EXOC6B: variants seen among roughly 807,000 people sequenced by gnomAD.
EXOC6B encodes exocyst complex component 6B.
A neutral mutation model predicts 113.5 loss-of-function variants in EXOC6B; 54 were observed. The observed-to-expected ratio is 0.48, with a 90% CI of 0.38 to 0.60. The LOEUF (loss-of-function observed/expected upper bound fraction) is 0.60, where lower values mean the gene tolerates loss of function less well. EXOC6B is among the 20% of genes least tolerant of loss of function. The pLI, the probability that EXOC6B is intolerant of heterozygous loss-of-function variation, is 0.00. For synonymous variants in EXOC6B, 357 were observed against 339.0 expected, an observed-to-expected ratio of 1.05 and a Z score of -0.58; for missense variants, 797 against 977.5, an observed-to-expected ratio of 0.82 and a Z score of 2.46.
chr2:72,465,102 C>T, intron 18 of EXOC6B, 58 bp downstream of exon 18: 35 of 1,454,122 alleles, frequency 2.4e-5, no homozygotes, highest in Non-Finnish European at 3.2e-5. Context: ...TTTCACCAAA[C>T]TAAATTATAA....
chr2:72,419,067 T>A (rs1362018254), intron 18 of EXOC6B, among the ~76,000 whole-genome samples: 2 of 152,122 alleles, frequency 1.3e-5, no homozygotes, highest in African/African-American at 4.8e-5. Flanking sequence ...CCAGCTTAAC[T>A]TAAGAAATAA....
At chr2:72,470,317 A>G (rs1476119688) in intron 17 of EXOC6B, among the ~76,000 whole-genome samples, 2 of 152,024 alleles carry the variant, frequency 1.3e-5, no homozygotes, top group East Asian at 3.8e-4. Flanking sequence ...ACTTATTCCT[A>G]GGTATTCTAA....
intron 20 of EXOC6B, among the ~76,000 whole-genome samples, chr2:72,205,546 G>A (rs1399488827): frequency 1.3e-5 from 2 of 152,160 alleles, no homozygotes; most frequent in Admixed American, 6.5e-5. Context: ...AGGAAGCCCA[G>A]ACTGAGGTGA....
chr2:72,266,505 A>C (rs1684093763), intron 20 of EXOC6B, among the ~76,000 whole-genome samples: 1 of 151,996 alleles, frequency 6.6e-6, no homozygotes, highest in African/African-American at 2.4e-5. Context: ...CATTTGTTAA[A>C]TAGGGAATCC....
intron 6 of EXOC6B, among the ~76,000 whole-genome samples, chr2:72,592,463 C>T (rs924960112): frequency 5.3e-5 from 8 of 152,112 alleles, no homozygotes; most frequent in Non-Finnish European, 1.2e-4. Context: ...TTGCAGGAAC[C>T]CATACTAAGC....
At chr2:72,459,919 C>T (rs2105393550) in intron 18 of EXOC6B, among the ~76,000 whole-genome samples, 1 of 152,254 alleles carries the variant, frequency 6.6e-6, no homozygotes, top group African/African-American at 2.4e-5. Flanking sequence ...GCCAAAAGAA[C>T]AAAGCTGGAG....
Position 72,465,465 on chromosome 2 carries a change from A to G in EXOC6B, c.1801-126T>C, listed in dbSNP as rs1697987953. 1.2e-5 allele frequency: 8 copies of G among 689,872 alleles called. No individual in the cohort carries two copies. The Admixed American group carries it at 2.7e-4, about 23-fold the overall frequency. The allele number at this position is 689,872 out of a possible 1,614,324, so 42.7% of individuals were successfully genotyped here. Reference sequence around the variant, plus strand: ...AATATAACTGGGAATACTGAGCCATACATATCACAGTCTTCTTTAATTTTT... The same window carrying G: ...AATATAACTGGGAATACTGAGCCATGCATATCACAGTCTTCTTTAATTTTT... On this transcript the variant is annotated intron_variant, in intron 17 of 21. Transcript: ENST00000272427.
chr2:72,438,861 G>A (rs1208992900), intron 18 of EXOC6B, among the ~76,000 whole-genome samples: 1 of 152,030 alleles, frequency 6.6e-6, no homozygotes, highest in Admixed American at 6.6e-5. Context: ...CAGAGAAATT[G>A]GCTAGGCTAG....
intron 17 of EXOC6B, among the ~76,000 whole-genome samples, chr2:72,475,565 G>T (rs558028475): frequency 1.3e-5 from 2 of 152,086 alleles, no homozygotes; most frequent in East Asian, 1.9e-4. Flanking sequence ...TGGCACAGGG[G>T]TTGGGGGGTG....
chr2:72,352,201 C>T (rs1181685586), intron 19 of EXOC6B, among the ~76,000 whole-genome samples: 1 of 152,118 alleles, frequency 6.6e-6, no homozygotes, highest in East Asian at 1.9e-4. Context: ...AAAACAAAAA[C>T]ATGGGCCTCA....
chr2:72,661,170 T>C (rs1274203920), intron 6 of EXOC6B, among the ~76,000 whole-genome samples: 1 of 152,074 alleles, frequency 6.6e-6, no homozygotes, highest in African/African-American at 2.4e-5. Flanking sequence ...TCCCAGAGTT[T>C]ACCTTGGGAT....
chr2:72,194,413 C>T (rs1679031155), intron 20 of EXOC6B, among the ~76,000 whole-genome samples: 1 of 151,968 alleles, frequency 6.6e-6, no homozygotes, highest in Non-Finnish European at 1.5e-5. Context: ...TATTGTGGTT[C>T]CAGACAACTT....
intron 1 of EXOC6B, among the ~76,000 whole-genome samples, chr2:72,792,769 A>C (rs371876249): frequency 1.3e-5 from 2 of 152,160 alleles, no homozygotes; most frequent in Non-Finnish European, 2.9e-5. Context: ...TACTCTACCA[A>C]GTATCTCTCT....
intron 20 of EXOC6B, among the ~76,000 whole-genome samples, chr2:72,212,479 TA>T (rs1284765877): frequency 3.3e-5 from 5 of 151,804 alleles, no homozygotes; most frequent in Admixed American, 2.6e-4. Context: ...AAGAAAGCAA[TA>T]AAAAAAATTA....
intron 6 of EXOC6B, among the ~76,000 whole-genome samples, chr2:72,643,712 A>G (rs1214292951): frequency 2.6e-5 from 4 of 151,176 alleles, no homozygotes; most frequent in Admixed American, 6.6e-5. Flanking sequence ...ATGTATACGT[A>G]TGTAACTAAC....
chr2:72,732,792 G>A (rs1324194208), intron 3 of EXOC6B, among the ~76,000 whole-genome samples: 1 of 152,116 alleles, frequency 6.6e-6, no homozygotes, highest in Non-Finnish European at 1.5e-5. Context: ...TGAAGAAGGT[G>A]AATATTGAGG....
At chr2:72,703,235 A>T (rs1371200731) in intron 6 of EXOC6B, among the ~76,000 whole-genome samples, 19 of 133,918 alleles carry the variant, frequency 1.4e-4, no homozygotes, top group Non-Finnish European at 2.4e-4. Flanking sequence ...ATAGTTGTAG[A>T]TATGCGGCGT....
At chr2:72,749,815 G>A (rs1030327593) in intron 1 of EXOC6B, among the ~76,000 whole-genome samples, 1 of 151,858 alleles carries the variant, frequency 6.6e-6, no homozygotes, top group African/African-American at 2.4e-5. Context: ...CACTAGTATG[G>A]TAGAAACACA....
chr2:72,198,059 G>A (rs985455552), intron 20 of EXOC6B, among the ~76,000 whole-genome samples: 3 of 152,068 alleles, frequency 2.0e-5, no homozygotes, highest in Non-Finnish European at 4.4e-5. Context: ...TCATTGGCAG[G>A]GTATACCACA....
Sources: allele counts gnomAD v4.1 joint callset (sites outside exome capture counted in the v4.1 genomes callset), GRCh38; gene constraint gnomAD v4.1.1; transcripts MANE v1.5; gene names NCBI Gene and HGNC (gene_info 2026-07-23, HGNC 2026-07-21).